ANXA4: variants seen among roughly 807,000 people sequenced by gnomAD.
ANXA4 encodes the protein 35-beta calcimedin.
Under a neutral mutation model 49.8 loss-of-function variants are expected in ANXA4, and 39 were observed. The observed-to-expected ratio is 0.78, with a 90% CI of 0.61 to 1.02. The LOEUF (loss-of-function observed/expected upper bound fraction) is 1.02. Among genes scored for constraint, ANXA4 ranks in the 50% least tolerant of loss-of-function variants. The pLI is 0.00. For synonymous variants in ANXA4, 134 were observed against 152.5 expected (o/e 0.88, Z 0.89); for missense variants, 360 against 410.1 (o/e 0.88, Z 1.05).
chr2:69,655,825 A>G (rs1676417712), intron 2 of ANXA4, among the ~76,000 whole-genome samples: 1 of 152,328 alleles, frequency 6.6e-6, no homozygotes, highest in East Asian at 1.9e-4. Flanking sequence ...TGGCACATAT[A>G]CACCATGGAA....
intron 2 of ANXA4, among the ~76,000 whole-genome samples, chr2:69,689,497 A>G (rs1677893776): frequency 6.6e-6 from 1 of 152,194 alleles, no homozygotes; most frequent in South Asian, 2.1e-4. Context: ...CATCAATAAA[A>G]TTACTTATTT....
chr2:69,735,092 C>G (rs1670208919), intron 3 of ANXA4, among the ~76,000 whole-genome samples: 1 of 152,182 alleles, frequency 6.6e-6, no homozygotes, highest in Non-Finnish European at 1.5e-5. Context: ...CATCTTGCTT[C>G]TAACCTCACA....
At chr2:69,652,783 C>G (rs1418255366) in intron 1 of ANXA4, among the ~76,000 whole-genome samples, 2 of 152,136 alleles carry the variant, frequency 1.3e-5, no homozygotes, top group African/African-American at 4.8e-5. Flanking sequence ...CAGTTGAACC[C>G]AGGATGCGGA....
At chr2:69,692,247 A>G (rs868641915) in intron 2 of ANXA4, among the ~76,000 whole-genome samples, 8 of 152,198 alleles carry the variant, frequency 5.3e-5, no homozygotes, top group Admixed American at 4.6e-4. Flanking sequence ...CAGTAAGGAG[A>G]TCTAACATAT....
At chr2:69,695,021 A>G (rs1210140708) in intron 2 of ANXA4, among the ~76,000 whole-genome samples, 1 of 152,136 alleles carries the variant, frequency 6.6e-6, no homozygotes, top group Non-Finnish European at 1.5e-5. Context: ...GCATGCCTGC[A>G]GCCCCAGCTA....
intron 2 of ANXA4, among the ~76,000 whole-genome samples, chr2:69,686,292 C>T (rs1463257849): frequency 6.6e-6 from 1 of 152,054 alleles, no homozygotes; most frequent in Non-Finnish European, 1.5e-5. Flanking sequence ...TCAAGCAATT[C>T]TCCTACCTCA....
rs145128434 is a variant in ANXA4, at chr2:69,666,065, G to A, written n.766+12783G>A. On this transcript the variant is annotated intron_variant and non_coding_transcript_variant, in intron 2 of 3. Transcript: ENST00000418066. ...AAAAAATACAAAAAAATAGCGGGGC[G>A]TGGTGGTGGGCACCTGTGGTCTCAG... is the stretch of plus-strand genomic sequence containing the variant. Among the ~76,000 whole-genome samples, 961 of 152,216 alleles carry A rather than the reference G, an allele frequency of 6.3e-3. 6 individuals carry two copies. Among genetic ancestry groups the A allele is most frequent in the Non-Finnish European group, 0.01 (682 of 68,008 alleles).
At chr2:69,648,861 T>A (rs1371737750) in intron 1 of ANXA4, among the ~76,000 whole-genome samples, 7 of 149,324 alleles carry the variant, frequency 4.7e-5, no homozygotes, top group Non-Finnish European at 8.9e-5. Flanking sequence ...TTGATTTTTT[T>A]AATTTTTAAT....
At chr2:69,749,777 T>A (rs1670762132) in intron 1 of ANXA4, among the ~76,000 whole-genome samples, 1 of 147,808 alleles carries the variant, frequency 6.8e-6, no homozygotes, top group East Asian at 2.0e-4. Flanking sequence ...AAAAAAAAAA[T>A]AGCTAGGTGT....
At chr2:69,741,479 T>C (rs376215975), upstream of ANXA4, among the ~76,000 whole-genome samples, 1 of 152,300 alleles carries the variant, frequency 6.6e-6, no homozygotes, top group East Asian at 1.9e-4. Flanking sequence ...CCGGGGCTGC[T>C]CCTAACTCCT....
chr2:69,763,694 G>T (rs1274554022), intron 1 of ANXA4, among the ~76,000 whole-genome samples: 2 of 141,410 alleles, frequency 1.4e-5, no homozygotes, highest in African/African-American at 5.3e-5. Context: ...ATAGAGTCTC[G>T]CTCTGTTGCC....
At chr2:69,782,100 T>G (rs1672224045) in intron 2 of ANXA4, among the ~76,000 whole-genome samples, 1 of 152,182 alleles carries the variant, frequency 6.6e-6, no homozygotes, top group Non-Finnish European at 1.5e-5. Context: ...TTCTGTAAAG[T>G]TCAGCTCTGA....
At chr2:69,816,865 C>T (rs1398558014) in intron 9 of ANXA4, 1 of 152,080 alleles carries the variant, frequency 6.6e-6, no homozygotes, top group African/African-American at 2.4e-5. Context: ...ATAAACCCAC[C>T]CACCATACCC....
chr2:69,819,194 A>G, intron 10 of ANXA4, 86 bp from the exon 11 acceptor site: 2 of 984,164 alleles, frequency 2.0e-6, no homozygotes, highest in East Asian at 2.6e-5. Context: ...GATACCTTGT[A>G]GAAACAGAGG....
chr2:69,676,387 G>A (rs1436388176), intron 2 of ANXA4, among the ~76,000 whole-genome samples: 1 of 152,106 alleles, frequency 6.6e-6, no homozygotes, highest in Non-Finnish European at 1.5e-5. Context: ...GAATGACAGA[G>A]ACTTGTGAAA....
intron 3 of ANXA4, among the ~76,000 whole-genome samples, chr2:69,793,896 TAAG>T (rs1337235363): frequency 6.6e-6 from 1 of 152,180 alleles, no homozygotes; most frequent in Non-Finnish European, 1.5e-5. Flanking sequence ...AAGATTTATT[TAAG>T]AAGATTTATG....
chr2:69,811,072 A>T (rs190291966), intron 7 of ANXA4: 1 of 163,262 alleles, frequency 6.1e-6, no homozygotes, highest in East Asian at 1.7e-4. Flanking sequence ...ATTCAAGGAG[A>T]AAATTTGGTT....
chr2:69,651,816 TTGG>T (rs1559040449), intron 1 of ANXA4, among the ~76,000 whole-genome samples: 1 of 18,842 alleles, frequency 5.3e-5, no homozygotes, highest in East Asian at 2.8e-3. Context: ...TTTTTTTTTT[TTGG>T]GGGGGGGGGG....
At chr2:69,711,235 C>T (rs1049014875) in intron 2 of ANXA4, among the ~76,000 whole-genome samples, 2 of 152,218 alleles carry the variant, frequency 1.3e-5, no homozygotes, top group East Asian at 1.9e-4. Flanking sequence ...GAGGCTGAGG[C>T]GGGAGAACCG....
Sources: allele counts gnomAD v4.1 joint callset (sites outside exome capture counted in the v4.1 genomes callset), GRCh38; gene constraint gnomAD v4.1.1; transcripts MANE v1.5; gene names NCBI Gene and HGNC (gene_info 2026-07-23, HGNC 2026-07-21).